The following GAB4 variants were observed in gnomAD, a reference collection of about 807,000 sequenced individuals.
The protein encoded by GAB4 is GRB2-associated-binding protein 4.
Under a neutral mutation model 51.3 loss-of-function variants are expected in GAB4, and 26 were observed. That is an observed-to-expected ratio of 0.51 (90% CI 0.37 to 0.70). GAB4 has a LOEUF of 0.70. GAB4 is among the 30% of genes least tolerant of loss of function. GAB4 has a pLI of 0.00. For missense variants in GAB4, 759 were observed against 734.6 expected (o/e 1.03, Z -0.38); for synonymous variants, 329 against 291.2 (o/e 1.13, Z -1.32).
chr22:16,968,997 A>T (rs1219724069), intron 4 of GAB4, among the ~76,000 whole-genome samples: 1 of 152,254 alleles, frequency 6.6e-6, no homozygotes, highest in Non-Finnish European at 1.5e-5. Context: ...CTCTCATAAC[A>T]GGAAGAATAA....
At chr22:16,976,563 A>C (rs1313523208) in intron 3 of GAB4, among the ~76,000 whole-genome samples, 2 of 152,212 alleles carry the variant, frequency 1.3e-5, no homozygotes, top group Non-Finnish European at 2.9e-5. Flanking sequence ...TGAAAATGAC[A>C]GGGAAAATGG....
chr22:16,995,251 G>A (rs763776991), intron 1 of GAB4, among the ~76,000 whole-genome samples: 2 of 152,198 alleles, frequency 1.3e-5, no homozygotes, highest in Non-Finnish European at 2.9e-5. Flanking sequence ...GCGGATAATG[G>A]AATACGGTTT....
rs775437334 is a variant in GAB4, at chr22:16,966,304, T to C, written c.1084A>G (p.Met362Val). 4.3e-6 allele frequency: 7 copies of C among 1,613,770 alleles called. No homozygotes were observed. The highest frequency in any genetic ancestry group is 5.9e-6 in the Non-Finnish European group (7 of 1,179,944). The change falls in exon 6 of 10, where the codon ATG (methionine) becomes GTG (valine). Residue 362 changes from methionine to valine, a missense_variant. By Grantham distance (21) the Met-to-Val change is conservative. Around this residue, in one of 3 missense-constraint regions of GAB4, gnomAD observed 588 missense variants for 510.2 expected, o/e 1.15. Transcript: ENST00000400588. The stretch of plus-strand genomic sequence containing the variant: ...GGCAGGGTAGGGGAGCCTGGGTTCA[T>C]GGGCACACAGCTGCCCTCAGAAGCA... ...SIASEGSCVP[M>V]NPGSPTLPAV...
intron 1 of GAB4, 109 bp downstream of exon 1, chr22:17,007,829 TCGC>T: frequency 2.0e-6 from 2 of 980,562 alleles, no homozygotes; most frequent in East Asian, 2.7e-5. Flanking sequence ...CGTGGAGAAG[TCGC>T]CTCCACCCGC....
At chr22:16,988,846 G>T (rs1284834986) in intron 2 of GAB4, among the ~76,000 whole-genome samples, 1 of 152,124 alleles carries the variant, frequency 6.6e-6, no homozygotes, top group Non-Finnish European at 1.5e-5. Context: ...TGCACACACC[G>T]GCCTCTTTCA....
chr22:16,969,897 A>T, intron 4 of GAB4, 46 bp downstream of exon 4: 3 of 1,612,060 alleles, frequency 1.9e-6, no homozygotes, highest in Non-Finnish European at 2.5e-6. Flanking sequence ...GTGGCCCCCA[A>T]ACTCCTGGAA....
chr22:16,962,634 T>C lies in GAB4; in HGVS notation c.*99A>G. On this transcript the variant is annotated 3_prime_UTR_variant, in exon 10 of 10. Transcript: ENST00000400588. Reference sequence around the variant, plus strand: ...GTATATTGATCAGGCCTCTGCTCTCTATGTAAGGGATGCGGTCCCTGATAT... The same window carrying C: ...GTATATTGATCAGGCCTCTGCTCTCCATGTAAGGGATGCGGTCCCTGATAT... 2 of 1,162,956 alleles carry C rather than the reference T, an allele frequency of 1.7e-6. No homozygotes were observed. Among genetic ancestry groups the C allele is most frequent in the South Asian group, 1.6e-5 (1 of 62,684 alleles). 72.0% of individuals were successfully genotyped at this position (1,162,956 alleles called of 1,614,324 possible).
rs1335306988 is a variant in GAB4, at chr22:16,962,502, G to C, written c.*231C>G. 1 of 389,678 alleles carries C rather than the reference G, an allele frequency of 2.6e-6. No homozygotes were observed. The highest frequency in any genetic ancestry group is 4.6e-6 in the Non-Finnish European group (1 of 218,494). The allele number at this position is 389,678 out of a possible 1,614,324, so 24.1% of individuals were successfully genotyped here. ...TCTGTTGGGAGCCCGGGTCTGAGGGGCAGGAAGAGACTGAGGATGCTTGCT... is the reference window on the plus strand; with the variant it reads ...TCTGTTGGGAGCCCGGGTCTGAGGGCCAGGAAGAGACTGAGGATGCTTGCT... On this transcript the variant is annotated 3_prime_UTR_variant, in exon 10 of 10. Transcript: ENST00000400588.
At chr22:16,968,535 C>T in intron 4 of GAB4, 152 bp from the exon 5 acceptor site, 1 of 645,270 alleles carries the variant, frequency 1.5e-6, no homozygotes, top group Non-Finnish European at 2.8e-6. Flanking sequence ...TAACACATCC[C>T]TGCTCCCTAC....
intron 1 of GAB4, among the ~76,000 whole-genome samples, chr22:16,998,517 G>T (rs2060969085): frequency 6.6e-6 from 1 of 152,220 alleles, no homozygotes; most frequent in African/African-American, 2.4e-5. Context: ...CTTGGCTGAA[G>T]TTGCTTATCA....
chr22:16,998,542 T>G (rs1413203939), intron 1 of GAB4, among the ~76,000 whole-genome samples: 3 of 152,344 alleles, frequency 2.0e-5, no homozygotes, highest in Non-Finnish European at 4.4e-5. Flanking sequence ...AAGGAGATTT[T>G]GGGCTGAGAC....
Position 17,000,234 on chromosome 22 carries a change from A to G in GAB4, c.174+7707T>C, listed in dbSNP as rs181619523. On this transcript the variant is annotated intron_variant, in intron 1 of 9. Coordinates refer to ENST00000400588, the MANE Select transcript of GAB4 (RefSeq NM_001037814.1). ...TCTTGTTGATCTGTCTAATGTTGAC[A>G]GTGGGGTGTTAAAGTCTCCAATTAT... Among the ~76,000 whole-genome samples, 4 of 152,310 alleles carry G rather than the reference A, an allele frequency of 2.6e-5. No individual in the cohort carries two copies. The East Asian group carries it at 5.8e-4, about 22-fold the overall frequency.
intron 3 of GAB4, among the ~76,000 whole-genome samples, chr22:16,986,937 C>A (rs1289468893): frequency 2.0e-5 from 3 of 152,176 alleles, no homozygotes. Context: ...AAGTGTGGGG[C>A]AAAGAGTTCA....
chr22:16,969,033 T>C (rs1191844954), intron 4 of GAB4, among the ~76,000 whole-genome samples: 1 of 152,238 alleles, frequency 6.6e-6, no homozygotes, highest in African/African-American at 2.4e-5. Context: ...GGTATAAGAA[T>C]GGATGCAAAA....
Position 16,966,368 on chromosome 22 carries a change from G to A in GAB4, c.1024-4C>T, listed in dbSNP as rs551938974. ...GGCCCACAAGCGTTCTTCCTGGCTA[G>A]GAAGAGGACAGTGAAAGAAACACAG... On this transcript the variant is annotated splice_region_variant and splice_polypyrimidine_tract_variant and intron_variant, in intron 5 of 9. Transcript: ENST00000400588. 6.2e-7 allele frequency: 1 copy of A among 1,607,532 alleles called. No homozygotes were observed. Among genetic ancestry groups the A allele is most frequent in the Admixed American group, 1.7e-5 (1 of 59,832 alleles).
At chr22:16,984,051 T>C (rs1306442981) in intron 3 of GAB4, among the ~76,000 whole-genome samples, 1 of 152,166 alleles carries the variant, frequency 6.6e-6, no homozygotes, top group Non-Finnish European at 1.5e-5. Flanking sequence ...TTTCAAACTA[T>C]TCATCCAATA....
At chr22:17,000,893 T>A (rs901835424) in intron 1 of GAB4, among the ~76,000 whole-genome samples, 1 of 152,210 alleles carries the variant, frequency 6.6e-6, no homozygotes, top group Non-Finnish European at 1.5e-5. Context: ...CTCCTTCACT[T>A]ATGAAGCTTA....
chr22:16,973,677 A>C (rs2060752983), intron 3 of GAB4, among the ~76,000 whole-genome samples: 1 of 152,168 alleles, frequency 6.6e-6, no homozygotes, highest in African/African-American at 2.4e-5. Flanking sequence ...TCTCATCTTA[A>C]GCATACCCTT....
chr22:16,970,768 C>T (rs1454688059), intron 3 of GAB4, among the ~76,000 whole-genome samples: 1 of 152,206 alleles, frequency 6.6e-6, no homozygotes, highest in Non-Finnish European at 1.5e-5. Flanking sequence ...ACTATTCAGA[C>T]ATAAGCAACA....
Sources: allele counts gnomAD v4.1 joint callset (sites outside exome capture counted in the v4.1 genomes callset), GRCh38; gene constraint gnomAD v4.1.1; regional missense constraint gnomAD v4.1.1; transcripts MANE v1.5; gene names NCBI Gene and HGNC (gene_info 2026-07-23, HGNC 2026-07-21).